EFCAB5: variants seen among roughly 807,000 people sequenced by gnomAD.
EFCAB5 encodes the protein EF-hand calcium-binding domain-containing protein 5.
EFCAB5 carries 131 observed loss-of-function variants against 167.9 expected under a neutral mutation model. The ratio of observed to expected loss-of-function variants is 0.78; its 90% CI spans 0.68 to 0.90. The LOEUF (loss-of-function observed/expected upper bound fraction) is 0.90. EFCAB5 is among the 40% of genes least tolerant of loss of function. The pLI is 0.00. For missense variants in EFCAB5, 1,663 were observed against 1,745.2 expected (o/e 0.95, Z 0.84); for synonymous variants, 574 against 602.8 (o/e 0.95, Z 0.70).
chr17:29,990,197 C>T (rs1027891940), intron 4 of EFCAB5, among the ~76,000 whole-genome samples: 7 of 152,216 alleles, frequency 4.6e-5, no homozygotes, highest in African/African-American at 9.6e-5. Flanking sequence ...TTAAATTGAG[C>T]GGGTTGAATT....
intron 22 of EFCAB5, among the ~76,000 whole-genome samples, chr17:30,098,551 AC>A (rs201311001): frequency 2.0e-5 from 3 of 150,184 alleles, no homozygotes; most frequent in African/African-American, 7.4e-5. Context: ...AAAAAAAAAA[AC>A]TCCTGGGCTT....
intron 7 of EFCAB5, among the ~76,000 whole-genome samples, chr17:30,018,141 A>C (rs1435919451): frequency 6.6e-6 from 1 of 150,994 alleles, no homozygotes; most frequent in Admixed American, 6.6e-5. Flanking sequence ...CAACATAAAC[A>C]TTGCTTAATT....
At chr17:29,996,711 A>G (rs775917238) in intron 6 of EFCAB5, among the ~76,000 whole-genome samples, 19 of 152,234 alleles carry the variant, frequency 1.2e-4, no homozygotes, top group African/African-American at 2.4e-4. Flanking sequence ...TAAGAAAACT[A>G]TATGCACTGG....
chr17:30,107,784 T>G lies in EFCAB5; in HGVS notation c.4322-50T>G, dbSNP rs564840842. The G allele has an allele frequency of 2.2e-5, 31 of 1,386,952 alleles. No individual in the cohort carries two copies. In the South Asian group the frequency reaches 5.3e-4, roughly 24 times the overall value. The allele number at this position is 1,386,952 out of a possible 1,614,324, so 85.9% of individuals were successfully genotyped here. ...ATATTAGAACTTATAATTTTAATAG[T>G]AAAGTGCAAAACTCTCCACTCTTAC... is the stretch of plus-strand genomic sequence containing the variant. On this transcript the variant is annotated intron_variant, in intron 22 of 22. Transcript: ENST00000394835.
At chr17:29,985,328 C>G (rs2068258224) in intron 4 of EFCAB5, among the ~76,000 whole-genome samples, 1 of 152,234 alleles carries the variant, frequency 6.6e-6, no homozygotes, top group South Asian at 2.1e-4. Flanking sequence ...GAAGTTTGAT[C>G]CAAGGCATCA....
Position 30,057,783 on chromosome 17 carries a change from A to G in EFCAB5, c.2473A>G (p.Thr825Ala). The G allele has an allele frequency of 6.2e-7, 1 of 1,613,808 alleles. No individual in the cohort carries two copies. The highest frequency in any genetic ancestry group is 1.1e-5 in the South Asian group (1 of 91,072). The change falls in exon 13 of 23, where the codon ACA becomes GCA. Residue 825 changes from threonine to alanine, a missense_variant. By Grantham distance (58) the Thr-to-Ala change is moderately conservative. Transcript: ENST00000394835. ...GCTCCAGTTTGTGCAACTCCTGGAG[A>G]CATTTGTTGGTGAAGACGCTCCCTT... ...NLLQFVQLLETFVGEDAPLSV... is the reference protein window; with the variant it reads ...NLLQFVQLLEAFVGEDAPLSV...
intron 7 of EFCAB5, among the ~76,000 whole-genome samples, chr17:30,027,840 A>G (rs2069373274): frequency 6.6e-6 from 1 of 152,150 alleles, no homozygotes; most frequent in Non-Finnish European, 1.5e-5. Flanking sequence ...CCTGCTTACC[A>G]GGGGCAAGTG....
chr17:30,015,653 A>G (rs1423818311), intron 7 of EFCAB5, among the ~76,000 whole-genome samples: 2 of 151,638 alleles, frequency 1.3e-5, no homozygotes, highest in Non-Finnish European at 2.9e-5. Flanking sequence ...AGCCATCTTT[A>G]TGGGCATGAA....
At chr17:29,949,275 T>A (rs1171456072) in intron 3 of EFCAB5, among the ~76,000 whole-genome samples, 1 of 152,196 alleles carries the variant, frequency 6.6e-6, no homozygotes, top group Non-Finnish European at 1.5e-5. Context: ...TCAAAATATG[T>A]ACAAGGAATT....
rs148171846 is a variant in EFCAB5, at chr17:29,968,721, T to C, written c.191-70T>C. 57 of 1,287,142 alleles carry C rather than the reference T, an allele frequency of 4.4e-5. 1 individual carries two copies. The African/African-American group carries it at 6.7e-4, about 15-fold the overall frequency. 79.7% of individuals were successfully genotyped at this position (1,287,142 alleles called of 1,614,324 possible). On this transcript the variant is annotated intron_variant, in intron 3 of 22. Coordinates refer to ENST00000394835, the MANE Select transcript of EFCAB5 (RefSeq NM_198529.4). The stretch of plus-strand genomic sequence containing the variant: ...ATGGATATAAAAATTTTTTCAAATA[T>C]TATTCTAAAGTCACATAGATTAAAA...
intron 3 of EFCAB5, among the ~76,000 whole-genome samples, chr17:29,954,419 A>G (rs56382980): frequency 0.49 from 73,904 of 152,010 alleles, 18,359 homozygotes; most frequent in East Asian, 0.69. Context: ...GCTAAAAGGG[A>G]CCAATGTACA....
At chr17:30,099,163 C>A (rs572973143) in intron 22 of EFCAB5, among the ~76,000 whole-genome samples, 69 of 152,246 alleles carry the variant, frequency 4.5e-4, no homozygotes, top group African/African-American at 1.7e-3. Context: ...GTATACATAC[C>A]TTTGGAGTGC....
intron 4 of EFCAB5, among the ~76,000 whole-genome samples, chr17:29,988,686 A>G (rs2068343406): frequency 6.6e-6 from 1 of 152,212 alleles, no homozygotes. Flanking sequence ...AGCTTGCTGT[A>G]TTTGTGCCTT....
intron 12 of EFCAB5, 38 bp from the exon 13 acceptor site, chr17:30,057,638 G>T: frequency 1.3e-6 from 2 of 1,565,172 alleles, no homozygotes; most frequent in Non-Finnish European, 1.7e-6. Context: ...TGAAAAAATT[G>T]TTCACTTTAC....
At chr17:30,077,381 ATG>A (rs927242948) in intron 14 of EFCAB5, among the ~76,000 whole-genome samples, 7 of 151,836 alleles carry the variant, frequency 4.6e-5, no homozygotes, top group South Asian at 4.2e-4. Flanking sequence ...GCGTGTGTGC[ATG>A]TGTGTGTGTG....
Position 30,080,105 on chromosome 17 carries a change from G to A in EFCAB5, c.3061G>A (p.Ala1021Thr), listed in dbSNP as rs752439200. The A allele has an allele frequency of 3.7e-6, 6 of 1,611,662 alleles. No individual in the cohort carries two copies. Among genetic ancestry groups the A allele is most frequent in the Non-Finnish European group, 4.2e-6 (5 of 1,179,180 alleles). Residue 1021 changes from alanine to threonine, a missense_variant, in exon 16 of 23, where the codon GCT (alanine) becomes ACT (threonine). Physicochemically the swap from Ala to Thr is moderately conservative, Grantham distance 58 (BLOSUM62 0). Transcript: ENST00000394835. ...AGCCCATGGAAATAAAAAGATCAGT[G>A]CTCACATTTCCCTCTTAGAAGAAAA... is the stretch of plus-strand genomic sequence containing the variant. ...AEAHGNKKIS[A>T]HISLLEENLL...
At chr17:29,937,566 A>G (rs2067256097), upstream of EFCAB5, among the ~76,000 whole-genome samples, 1 of 152,030 alleles carries the variant, frequency 6.6e-6, no homozygotes, top group Non-Finnish European at 1.5e-5. Context: ...AGGAAGCAAT[A>G]TTTTTGTTTA....
intron 19 of EFCAB5, 36 bp downstream of exon 19, chr17:30,087,202 C>A: frequency 6.4e-7 from 1 of 1,562,628 alleles, no homozygotes. Context: ...ACTGCTAGAA[C>A]ACATCCTTCT....
intron 3 of EFCAB5, among the ~76,000 whole-genome samples, chr17:29,945,789 A>G (rs1443057823): frequency 6.6e-6 from 1 of 152,180 alleles, no homozygotes; most frequent in Non-Finnish European, 1.5e-5. Flanking sequence ...AGCTACATGT[A>G]GAAGAATGAA....
Sources: allele counts gnomAD v4.1 joint callset (sites outside exome capture counted in the v4.1 genomes callset), GRCh38; gene constraint gnomAD v4.1.1; transcripts MANE v1.5; gene names NCBI Gene and HGNC (gene_info 2026-07-23, HGNC 2026-07-21).